The following ANKRD17 variants were observed in gnomAD, a reference collection of about 807,000 sequenced individuals.
ANKRD17 encodes ankyrin repeat domain 17, also known as ankyrin repeat domain-containing protein 17.
A neutral mutation model predicts 229.7 loss-of-function variants in ANKRD17; 19 were observed. That is an observed-to-expected ratio of 0.08 (90% CI 0.06 to 0.12). ANKRD17 has a LOEUF of 0.12. ANKRD17 is among the 10% of genes least tolerant of loss of function. ANKRD17 has a pLI of 1.00. For missense variants in ANKRD17, 2,176 were observed against 3,176.8 expected (o/e 0.68, Z 7.57); for synonymous variants, 1,112 against 1,146.1 (o/e 0.97, Z 0.60).
chr4:73,194,910 C>T (rs1374197159), intron 1 of ANKRD17, among the ~76,000 whole-genome samples: 1 of 151,824 alleles, frequency 6.6e-6, no homozygotes, highest in Non-Finnish European at 1.5e-5. Flanking sequence ...TAGATATATG[C>T]CTAAGTGTTT....
chr4:73,131,643 A>G (rs576653672), intron 16 of ANKRD17, among the ~76,000 whole-genome samples: 146 of 152,324 alleles, frequency 9.6e-4, no homozygotes, highest in African/African-American at 3.3e-3. Context: ...AGTGGTTAAT[A>G]AAAGAAAAGA....
intron 1 of ANKRD17, among the ~76,000 whole-genome samples, chr4:73,186,233 T>C (rs942068521): frequency 6.6e-6 from 1 of 152,016 alleles, no homozygotes; most frequent in African/African-American, 2.4e-5. Flanking sequence ...CCAAAATTAA[T>C]ACAATTCAAA....
chr4:73,195,497 GT>G (rs1409571385), intron 1 of ANKRD17, among the ~76,000 whole-genome samples: 3 of 151,842 alleles, frequency 2.0e-5, no homozygotes, highest in African/African-American at 7.3e-5. Context: ...AGACTTAAGA[GT>G]TTTCTTTGCT....
intron 2 of ANKRD17, among the ~76,000 whole-genome samples, chr4:73,162,604 T>C (rs1183653941): frequency 2.6e-5 from 4 of 152,082 alleles, no homozygotes; most frequent in African/African-American, 9.7e-5. Context: ...AAATGAGTTA[T>C]GTCTACAACT....
chr4:73,182,360 T>G (rs1426107256), intron 1 of ANKRD17, among the ~76,000 whole-genome samples: 2 of 152,154 alleles, frequency 1.3e-5, no homozygotes, highest in Non-Finnish European at 2.9e-5. Flanking sequence ...CCAGGTTCAA[T>G]TCAGTGTTTA....
intron 1 of ANKRD17, among the ~76,000 whole-genome samples, chr4:73,187,489 CCTCT>C (rs748326901): frequency 7.2e-4 from 110 of 152,292 alleles, no homozygotes; most frequent in Non-Finnish European, 8.7e-4. Flanking sequence ...CAGGAAATAT[CCTCT>C]CTGTTAGAGT....
In ANKRD17 at chr4:73,242,297, C is replaced by T. The variant is rs143130425; in HGVS notation, c.393+15979G>A. ...GGCCATATACAAGATTAAAATATGC[C>T]AATCAATAGCTTCCTATATTCCAAC... is the stretch of plus-strand genomic sequence containing the variant. On this transcript the variant is annotated intron_variant, in intron 1 of 33. Transcript: ENST00000358602. 2.5e-3 allele frequency among the ~76,000 whole-genome samples: 377 copies of T among 152,160 alleles called. 4 individuals are homozygous for T. Among genetic ancestry groups the T allele is most frequent in the African/African-American group, 8.1e-3 (336 of 41,540 alleles).
intron 1 of ANKRD17, among the ~76,000 whole-genome samples, chr4:73,199,643 A>G (rs1327808200): frequency 6.6e-6 from 1 of 152,120 alleles, no homozygotes; most frequent in East Asian, 1.9e-4. Context: ...GGTCTGCCCC[A>G]TTATCCTGGC....
chr4:73,086,945 T>A (rs1722247753), intron 29 of ANKRD17, among the ~76,000 whole-genome samples: 1 of 83,918 alleles, frequency 1.2e-5, no homozygotes, highest in Non-Finnish European at 2.3e-5. Context: ...TATATATATA[T>A]ATATATATCT....
chr4:73,156,171 T>C lies in ANKRD17; in HGVS notation c.705-5A>G. The stretch of plus-strand genomic sequence containing the variant: ...CAGGCTTCTGCCAAACTGCGGCTAT[T>C]ACGGAAAGAATATCACAATACCAGA... On this transcript the variant is annotated splice_polypyrimidine_tract_variant and splice_region_variant and intron_variant, in intron 3 of 33. Coordinates refer to ENST00000358602, the MANE Select transcript of ANKRD17 (RefSeq NM_032217.5). 6.3e-7 allele frequency: 1 copy of C among 1,586,522 alleles called. No homozygotes were observed. The highest frequency in any genetic ancestry group is 1.2e-5 in the South Asian group (1 of 85,532).
chr4:73,133,557 AT>A (rs1351254593), intron 16 of ANKRD17, among the ~76,000 whole-genome samples: 1 of 151,008 alleles, frequency 6.6e-6, no homozygotes, highest in East Asian at 2.0e-4. Flanking sequence ...TGCCCAGCTA[AT>A]TTTTTTTGTA....
intron 1 of ANKRD17, among the ~76,000 whole-genome samples, chr4:73,196,950 ATGTATG>A (rs528257970): frequency 5.3e-4 from 81 of 152,290 alleles, no homozygotes; most frequent in African/African-American, 1.2e-3. Flanking sequence ...ATATATACAC[ATGTATG>A]TGTATGTGTA....
intron 16 of ANKRD17, among the ~76,000 whole-genome samples, chr4:73,133,396 T>TG (rs1728484752): frequency 6.7e-6 from 1 of 149,070 alleles, no homozygotes; most frequent in East Asian, 2.0e-4. Flanking sequence ...CGTGTTTTTT[T>TG]TTTTTTTTTT....
Position 73,119,093 on chromosome 4 carries a change from C to CTGGTCTCGAACT in ANKRD17, c.4026-244_4026-243insAGTTCGAGACCA, listed in dbSNP as rs1726373296. 2.6e-5 allele frequency among the ~76,000 whole-genome samples: 4 copies of CTGGTCTCGAACT among 151,724 alleles called. No individual in the cohort carries two copies. In the East Asian group the frequency reaches 7.8e-4, roughly 29 times the overall value. On this transcript the variant is annotated intron_variant, in intron 21 of 33. Transcript: ENST00000358602. ...GTGGAGATGGAGTCTTCCTATGTTA[C>CTGGTCTCGAACT]CCAGGCTGGTCTCGAACTCCTGGGC...
At chr4:73,131,072 A>G (rs946979391) in intron 16 of ANKRD17, among the ~76,000 whole-genome samples, 1 of 152,210 alleles carries the variant, frequency 6.6e-6, no homozygotes, top group Non-Finnish European at 1.5e-5. Context: ...AAATAGTCCC[A>G]AATAATTCCT....
intron 2 of ANKRD17, among the ~76,000 whole-genome samples, chr4:73,172,207 TCCAA>T (rs1189063798): frequency 1.3e-5 from 2 of 151,980 alleles, no homozygotes; most frequent in Non-Finnish European, 2.9e-5. Flanking sequence ...ACAATGGGGC[TCCAA>T]TACATCTAGC....
In ANKRD17 at chr4:73,091,455, T is replaced by C; in HGVS notation, c.6173A>G (p.Asn2058Ser). The change falls in exon 29 of 34, where the codon AAC becomes AGC. Residue 2058 changes from asparagine to serine, a missense_variant. Physicochemically the swap from Asn to Ser is conservative, Grantham distance 46. Transcript: ENST00000358602. Reference protein sequence around the residue: ...PPAQPGGVSRNSPLDCGSASP... With the variant: ...PPAQPGGVSRSSPLDCGSASP... ...TGCTGATCCACAATCCAAAGGGCTG[T>C]TTCTAGAAACCCCTCCTGGCTGGGC... The C allele has an allele frequency of 6.2e-7, 1 of 1,614,172 alleles. No individual in the cohort carries two copies. The highest frequency in any genetic ancestry group is 8.5e-7 in the Non-Finnish European group (1 of 1,180,028).
intron 21 of ANKRD17, among the ~76,000 whole-genome samples, chr4:73,119,877 T>A (rs181742486): frequency 2.0e-5 from 3 of 152,190 alleles, no homozygotes; most frequent in Admixed American, 1.3e-4. Context: ...GATGTAAGTA[T>A]GTCTGATAAC....
intron 24 of ANKRD17, among the ~76,000 whole-genome samples, chr4:73,111,024 T>G (rs1004657262): frequency 5.9e-5 from 9 of 152,190 alleles, no homozygotes; most frequent in African/African-American, 2.2e-4. Context: ...TTGCTAATGG[T>G]ACTAGGAAAG....
Sources: allele counts gnomAD v4.1 joint callset (sites outside exome capture counted in the v4.1 genomes callset), GRCh38; gene constraint gnomAD v4.1.1; transcripts MANE v1.5; gene names NCBI Gene and HGNC (gene_info 2026-07-23, HGNC 2026-07-21).